The following DPY19L1 variants were observed in gnomAD, a reference collection of about 807,000 sequenced individuals.
DPY19L1 encodes the protein dpy-19 like C-mannosyltransferase 1, also known as protein C-mannosyl-transferase DPY19L1.
In DPY19L1, 35 loss-of-function variants were observed where a neutral mutation model predicts 96.9. The observed-to-expected ratio is 0.36, with a 90% CI of 0.28 to 0.48. DPY19L1 has a LOEUF of 0.48. DPY19L1 is among the 20% of genes least tolerant of loss of function. The probability of loss-of-function intolerance (pLI) is 0.99; values close to 1 mark genes in which losing one functional copy is unlikely to be tolerated. For missense variants in DPY19L1, 521 were observed against 777.9 expected (o/e 0.67, Z 3.93); for synonymous variants, 205 against 252.6 (o/e 0.81, Z 1.79).
chr7:34,934,001 T>C (rs1783812167), intron 21 of DPY19L1, among the ~76,000 whole-genome samples: 1 of 152,182 alleles, frequency 6.6e-6, no homozygotes, highest in African/African-American at 2.4e-5. Flanking sequence ...TTTCCCTCTG[T>C]CGCCCAGGCT....
At chr7:34,951,191 G>A (rs1258321900) in intron 13 of DPY19L1, among the ~76,000 whole-genome samples, 1 of 151,958 alleles carries the variant, frequency 6.6e-6, no homozygotes, top group African/African-American at 2.4e-5. Context: ...AAAAACTAAA[G>A]GAAGAAATAG....
chr7:34,948,614 T>C (rs1784203517), intron 14 of DPY19L1, among the ~76,000 whole-genome samples: 1 of 152,260 alleles, frequency 6.6e-6, no homozygotes, highest in East Asian at 1.9e-4. Context: ...ACATAGCTTA[T>C]GTTTAATACT....
chr7:35,031,345 A>G (rs1024965731), intron 1 of DPY19L1, among the ~76,000 whole-genome samples: 1 of 152,258 alleles, frequency 6.6e-6, no homozygotes, highest in African/African-American at 2.4e-5. Context: ...CATGATTTAA[A>G]GTATCCAGGA....
intron 10 of DPY19L1, among the ~76,000 whole-genome samples, chr7:34,964,782 C>T (rs1005530085): frequency 3.3e-5 from 5 of 152,124 alleles, no homozygotes; most frequent in African/African-American, 1.2e-4. Flanking sequence ...GGAGCATCAA[C>T]ATAAATAACA....
At chr7:34,996,271 G>T (rs1474974917) in intron 6 of DPY19L1, among the ~76,000 whole-genome samples, 1 of 152,136 alleles carries the variant, frequency 6.6e-6, no homozygotes, top group African/African-American at 2.4e-5. Context: ...TGTCATTGTT[G>T]CTCTTGGTAC....
At chr7:34,999,029 G>C (rs538695830) in intron 6 of DPY19L1, among the ~76,000 whole-genome samples, 1 of 152,026 alleles carries the variant, frequency 6.6e-6, no homozygotes, top group South Asian at 2.1e-4. Flanking sequence ...CAAGAAAACA[G>C]GAAAAAAGAA....
At chr7:35,014,196 C>T (rs1464644319) in intron 3 of DPY19L1, among the ~76,000 whole-genome samples, 4 of 152,150 alleles carry the variant, frequency 2.6e-5, no homozygotes, top group African/African-American at 9.7e-5. Context: ...AGGCTACACA[C>T]TGATGTATTA....
chr7:34,990,725 G>T (rs1269607192), intron 6 of DPY19L1, among the ~76,000 whole-genome samples: 15 of 152,108 alleles, frequency 9.9e-5, no homozygotes, highest in Admixed American at 9.8e-4. Context: ...GCTATCTTTA[G>T]GTTTATTTCA....
chr7:35,004,742 C>T (rs922806487), intron 6 of DPY19L1, among the ~76,000 whole-genome samples: 5 of 152,208 alleles, frequency 3.3e-5, no homozygotes, highest in African/African-American at 9.6e-5. Context: ...TTTCACACAG[C>T]TGTTTCTTAT....
chr7:34,957,362 T>C (rs1784401159), intron 11 of DPY19L1, among the ~76,000 whole-genome samples: 2 of 150,992 alleles, frequency 1.3e-5, no homozygotes, highest in South Asian at 2.1e-4. Flanking sequence ...GCAACAAGAG[T>C]GAAACTCCAC....
chr7:34,995,156 C>G (rs1344833357), intron 6 of DPY19L1, among the ~76,000 whole-genome samples: 4 of 152,134 alleles, frequency 2.6e-5, no homozygotes, highest in African/African-American at 9.7e-5. Flanking sequence ...TGAAACAAAT[C>G]TAAAATGGTG....
chr7:34,939,729 A>G (rs1273060897), intron 19 of DPY19L1, among the ~76,000 whole-genome samples: 2 of 152,238 alleles, frequency 1.3e-5, no homozygotes, highest in Admixed American at 1.3e-4. Context: ...ATGATTTAGT[A>G]TTCAATCATT....
At chr7:34,973,116 A>G (rs1784758150) in intron 8 of DPY19L1, among the ~76,000 whole-genome samples, 1 of 152,186 alleles carries the variant, frequency 6.6e-6, no homozygotes, top group Admixed American at 6.5e-5. Flanking sequence ...AGAAAGGGAG[A>G]GAAGTGTGAA....
intron 2 of DPY19L1, among the ~76,000 whole-genome samples, chr7:35,018,273 T>C (rs1785907795): frequency 6.6e-6 from 1 of 152,206 alleles, no homozygotes; most frequent in African/African-American, 2.4e-5. Flanking sequence ...AAACATCTAA[T>C]GAAATTCATA....
chr7:34,971,038 C>T (rs772041503), intron 8 of DPY19L1, among the ~76,000 whole-genome samples: 103 of 152,216 alleles, frequency 6.8e-4, no homozygotes, highest in Non-Finnish European at 6.2e-4. Context: ...GGTTTTGTAA[C>T]AGTATCCTCA....
intron 6 of DPY19L1, among the ~76,000 whole-genome samples, chr7:35,001,438 CCTT>C (rs1785424367): frequency 6.6e-6 from 1 of 152,154 alleles, no homozygotes; most frequent in Non-Finnish European, 1.5e-5. Context: ...GCAAACACTA[CCTT>C]ATTCCATTCT....
chr7:34,932,667 T>C (rs1432594977), intron 21 of DPY19L1, among the ~76,000 whole-genome samples: 1 of 152,236 alleles, frequency 6.6e-6, no homozygotes, highest in Non-Finnish European at 1.5e-5. Flanking sequence ...AACATATCTT[T>C]ATAAATTGGC....
chr7:34,972,230 C>G (rs918673905), intron 8 of DPY19L1, among the ~76,000 whole-genome samples: 1 of 152,202 alleles, frequency 6.6e-6, no homozygotes, highest in African/African-American at 2.4e-5. Flanking sequence ...AAGAGGGTTG[C>G]ACCTCCAATA....
At position 34,929,372 on chromosome 7, in the gene DPY19L1, T is replaced by G. The variant is rs905487152; in HGVS notation, c.*2201A>C. The G allele has an allele frequency of 3.9e-5, 6 of 152,186 alleles. No individual in the cohort carries two copies. Among genetic ancestry groups the G allele is most frequent in the East Asian group, 1.9e-4 (1 of 5,190 alleles). The allele number at this position is 152,186 out of a possible 1,614,324, so 9.4% of individuals were successfully genotyped here. ...TGGCTCCCCTAATATATAGCCATAT[T>G]TTGCTGGGGGTTACATTCATAAACA... On this transcript the variant is annotated 3_prime_UTR_variant, in exon 22 of 22. Transcript: ENST00000638088.
Sources: gnomAD v4.1 joint callset for allele counts (sites outside exome capture counted in the v4.1 genomes callset) on GRCh38, gnomAD v4.1.1 for gene constraint, MANE v1.5 for transcripts, NCBI Gene and HGNC (gene_info 2026-07-23, HGNC 2026-07-21) for gene names.